ZEB1: variants seen among roughly 807,000 people sequenced by gnomAD.
ZEB1 encodes zinc finger E-box binding homeobox 1.
ZEB1 carries 21 observed loss-of-function variants against 84.9 expected under a neutral mutation model. The observed-to-expected ratio is 0.25, with a 90% confidence interval of 0.18 to 0.36. ZEB1 has a LOEUF of 0.36. Ranked by LOEUF, ZEB1 falls within the 10% of genes least tolerant of loss-of-function variation. The probability of loss-of-function intolerance (pLI) is 1.00; values close to 1 mark genes in which losing one functional copy is unlikely to be tolerated. For missense variants in ZEB1, 1,104 were observed against 1,330.2 expected (o/e 0.83, Z 2.65); for synonymous variants, 420 against 471.1 (o/e 0.89, Z 1.41).
intron 3 of ZEB1, among the ~76,000 whole-genome samples, chr10:31,500,769 A>G (rs1260098350): frequency 6.6e-6 from 1 of 152,144 alleles, no homozygotes; most frequent in African/African-American, 2.4e-5. Flanking sequence ...GGATGCTAGG[A>G]AAGAGTTTAC....
chr10:31,353,046 A>G (rs2041561896), intron 1 of ZEB1, among the ~76,000 whole-genome samples: 1 of 152,208 alleles, frequency 6.6e-6, no homozygotes, highest in African/African-American at 2.4e-5. Flanking sequence ...TCAAGCACAC[A>G]TGGATTTGAC....
Position 31,319,348 on chromosome 10 carries a change from G to A in ZEB1, c.58+56G>A, listed in dbSNP as rs1338490704. 74 of 1,565,854 alleles carry A rather than the reference G, an allele frequency of 4.7e-5. No homozygotes were observed. The Middle Eastern group carries it at 1.3e-3, about 28-fold the overall frequency. Reference sequence around the variant, plus strand: ...GAGTCAGGGGGAGCTGGGCAGCCGGGGCGCCCCCGGGGGTGAGGGGGGCGA... The same window carrying A: ...GAGTCAGGGGGAGCTGGGCAGCCGGAGCGCCCCCGGGGGTGAGGGGGGCGA... On this transcript the variant is annotated intron_variant, in intron 1 of 8. Transcript: ENST00000424869.
chr10:31,450,873 C>CGTGTGTGTGTGT (rs137905132), intron 1 of ZEB1, among the ~76,000 whole-genome samples: 2,525 of 149,522 alleles, frequency 0.017, 58 homozygotes, highest in African/African-American at 0.057. Context: ...TAGGACTGAG[C>CGTGTGTGTGTGT]GTGTGTGTGT....
chr10:31,326,967 T>C (rs1456819294), intron 1 of ZEB1, among the ~76,000 whole-genome samples: 1 of 152,150 alleles, frequency 6.6e-6, no homozygotes, highest in Non-Finnish European at 1.5e-5. Flanking sequence ...CCCAATCTAA[T>C]ATGTTTTTTA....
At chr10:31,440,508 G>A (rs1182228432) in intron 1 of ZEB1, among the ~76,000 whole-genome samples, 1 of 152,130 alleles carries the variant, frequency 6.6e-6, no homozygotes, top group East Asian at 1.9e-4. Context: ...AGACAGGGGT[G>A]CCCTTTCTCA....
chr10:31,343,414 G>T (rs1340873012), intron 1 of ZEB1, among the ~76,000 whole-genome samples: 1 of 151,948 alleles, frequency 6.6e-6, no homozygotes, highest in African/African-American at 2.4e-5. Flanking sequence ...TAAAAATCCA[G>T]CAATCCATTA....
At chr10:31,358,592 T>G (rs2042489764) in intron 1 of ZEB1, 2 of 152,236 alleles carry the variant, frequency 1.3e-5, no homozygotes, top group African/African-American at 4.8e-5. Context: ...CCAAAGGAGT[T>G]TTGTATCATA....
At chr10:31,335,557 A>G (rs188775795) in intron 1 of ZEB1, among the ~76,000 whole-genome samples, 4 of 152,302 alleles carry the variant, frequency 2.6e-5, no homozygotes, top group Admixed American at 6.5e-5. Flanking sequence ...GAGCATCTCA[A>G]TAGATCCATC....
chr10:31,348,065 A>G (rs1200493427), intron 1 of ZEB1, among the ~76,000 whole-genome samples: 4 of 152,182 alleles, frequency 2.6e-5, no homozygotes, highest in African/African-American at 9.7e-5. Context: ...TTTCCTCACC[A>G]TAACTCAGGT....
intron 1 of ZEB1, among the ~76,000 whole-genome samples, chr10:31,446,544 G>A (rs2059804097): frequency 2.0e-5 from 3 of 150,272 alleles, no homozygotes; most frequent in Admixed American, 2.0e-4. Context: ...TCTCTTGTGG[G>A]CATTTAGTGC....
chr10:31,369,578 TACC>T (rs1330980978), intron 1 of ZEB1, among the ~76,000 whole-genome samples: 1 of 152,238 alleles, frequency 6.6e-6, no homozygotes, highest in Non-Finnish European at 1.5e-5. Context: ...TGTCTGTATA[TACC>T]ACATTTCCTT....
At chr10:31,507,819 T>C (rs2069245561) in intron 4 of ZEB1, among the ~76,000 whole-genome samples, 1 of 152,138 alleles carries the variant, frequency 6.6e-6, no homozygotes, top group Non-Finnish European at 1.5e-5. Flanking sequence ...TTTTCCAGGA[T>C]TTCATAAATT....
At chr10:31,413,317 A>G (rs925733145) in intron 1 of ZEB1, among the ~76,000 whole-genome samples, 1 of 152,222 alleles carries the variant, frequency 6.6e-6, no homozygotes, top group African/African-American at 2.4e-5. Flanking sequence ...AAGCCCTTGT[A>G]TCTGCCAGAA....
intron 1 of ZEB1, chr10:31,372,913 C>A: frequency 1.4e-6 from 1 of 723,902 alleles, no homozygotes; most frequent in Non-Finnish European, 1.7e-6. Context: ...ATTAGGACTG[C>A]TTGAACAGGA....
At chr10:31,442,638 T>C (rs1040057461) in intron 1 of ZEB1, among the ~76,000 whole-genome samples, 1 of 151,718 alleles carries the variant, frequency 6.6e-6, no homozygotes, top group African/African-American at 2.4e-5. Context: ...TCACCTGGGA[T>C]ATAAAACTGG....
At chr10:31,452,736 TGTGTGTGAGAGAGA>T (rs1243750926) in intron 1 of ZEB1, among the ~76,000 whole-genome samples, 33 of 112,958 alleles carry the variant, frequency 2.9e-4, no homozygotes, top group Middle Eastern at 4.3e-3. Flanking sequence ...TGTGTGTGTG[TGTGTGTGAGAGAGA>T]GAGAGAGAGA....
At chr10:31,350,303 G>C (rs2041096423) in intron 1 of ZEB1, among the ~76,000 whole-genome samples, 1 of 152,050 alleles carries the variant, frequency 6.6e-6, no homozygotes, top group African/African-American at 2.4e-5. Context: ...CAAAAATTCT[G>C]CATTATCTTT....
At chr10:31,391,874 A>G (rs2049803232) in intron 1 of ZEB1, among the ~76,000 whole-genome samples, 1 of 152,096 alleles carries the variant, frequency 6.6e-6, no homozygotes, top group African/African-American at 2.4e-5. Flanking sequence ...GAATGTCCAT[A>G]TTTTCATCAT....
chr10:31,394,586 C>T (rs2050352841), intron 1 of ZEB1, among the ~76,000 whole-genome samples: 2 of 152,186 alleles, frequency 1.3e-5, no homozygotes, highest in Non-Finnish European at 2.9e-5. Context: ...CCTGACTTCT[C>T]ACTGTATATG....
Sources: allele counts gnomAD v4.1 joint callset (sites outside exome capture counted in the v4.1 genomes callset), GRCh38; gene constraint gnomAD v4.1.1; transcripts MANE v1.5; gene names NCBI Gene and HGNC (gene_info 2026-07-23, HGNC 2026-07-21).